The following MOV10L1 variants were observed in gnomAD, a reference collection of about 807,000 sequenced individuals.
MOV10L1 encodes Mov10 like RNA helicase 1.
Under a neutral mutation model 143.8 loss-of-function variants are expected in MOV10L1, and 110 were observed. That is an observed-to-expected ratio of 0.76 (90% confidence interval 0.66 to 0.90). The LOEUF (loss-of-function observed/expected upper bound fraction) is 0.90. Ranked by LOEUF, MOV10L1 falls within the 40% of genes least tolerant of loss-of-function variation. The probability of loss-of-function intolerance (pLI) is 0.00; values close to 1 mark genes in which losing one functional copy is unlikely to be tolerated. For missense variants in MOV10L1, 1,406 were observed against 1,526.8 expected (o/e 0.92, Z 1.32); for synonymous variants, 593 against 581.1 (o/e 1.02, Z -0.29).
At chr22:50,127,089 C>T (rs2062528888) in intron 12 of MOV10L1, among the ~76,000 whole-genome samples, 2 of 152,138 alleles carry the variant, frequency 1.3e-5, no homozygotes. Flanking sequence ...GACATGACCT[C>T]GCCAGCTCTC....
At chr22:50,140,682 G>A (rs1004673019) in intron 15 of MOV10L1, among the ~76,000 whole-genome samples, 1 of 152,040 alleles carries the variant, frequency 6.6e-6, no homozygotes, top group Non-Finnish European at 1.5e-5. Context: ...GGACAAGCCT[G>A]TTTTAGACTA....
At chr22:50,126,514 T>C (rs1030187693) in intron 12 of MOV10L1, among the ~76,000 whole-genome samples, 1 of 152,216 alleles carries the variant, frequency 6.6e-6, no homozygotes, top group African/African-American at 2.4e-5. Context: ...GAGGTTTGCG[T>C]TGAGTTGTAT....
chr22:50,143,195 G>A lies in MOV10L1; in HGVS notation c.2332G>A (p.Val778Met). 6.2e-7 allele frequency: 1 copy of A among 1,614,162 alleles called. No individual in the cohort carries two copies. The change falls in exon 17 of 27, where the codon GTG (valine) becomes ATG (methionine). Residue 778 changes from valine to methionine, a missense_variant. Val to Met is a conservative substitution (Grantham distance 21, BLOSUM62 1). Transcript: ENST00000262794. ...TGGACCTCCTGGTACTGGAAAGACAGTGACAATAATAGAGGCTGTTTTACA... is the reference window on the plus strand; with the variant it reads ...TGGACCTCCTGGTACTGGAAAGACAATGACAATAATAGAGGCTGTTTTACA... ...LFGPPGTGKT[V>M]TIIEAVLQVH...
chr22:50,135,290 G>A (rs1354501283), intron 15 of MOV10L1, among the ~76,000 whole-genome samples: 4 of 151,786 alleles, frequency 2.6e-5, no homozygotes, highest in Admixed American at 1.3e-4. Context: ...GGAATTACAG[G>A]CGTGAGCCAC....
rs775731763 is a variant in MOV10L1, at chr22:50,161,451, C to A, written c.*2C>A. 6 of 1,581,182 alleles carry A rather than the reference C, an allele frequency of 3.8e-6. No individual in the cohort carries two copies. The highest frequency in any genetic ancestry group is 4.3e-6 in the Non-Finnish European group (5 of 1,163,470). On this transcript the variant is annotated 3_prime_UTR_variant, in exon 27 of 27. Transcript: ENST00000262794. ...GAGAAGCATCAGGAGCCCAGCTGAT[C>A]TGCAGTGGCTGACAGCAGGGAGGCC...
chr22:50,129,638 A>G (rs138247), intron 13 of MOV10L1, among the ~76,000 whole-genome samples: 37,037 of 152,166 alleles, frequency 0.24, 5,282 homozygotes, highest in Non-Finnish European at 0.33. Flanking sequence ...AAGTGGTTGC[A>G]TCAGTGACTT....
intron 15 of MOV10L1, among the ~76,000 whole-genome samples, chr22:50,140,493 C>T (rs755887047): frequency 3.9e-5 from 6 of 152,240 alleles, no homozygotes; most frequent in Non-Finnish European, 8.8e-5. Flanking sequence ...CCCTAGGCCA[C>T]GTTGCAAGAA....
At chr22:50,112,199 G>A (rs1016723423) in intron 5 of MOV10L1, among the ~76,000 whole-genome samples, 1 of 152,222 alleles carries the variant, frequency 6.6e-6, no homozygotes, top group African/African-American at 2.4e-5. Context: ...TTGGGAGGGT[G>A]CCTAGGGCCC....
At chr22:50,092,890 T>A (rs1218925743) in intron 2 of MOV10L1, 1 of 152,238 alleles carries the variant, frequency 6.6e-6, no homozygotes, top group South Asian at 2.1e-4. Flanking sequence ...GTAACTTTTC[T>A]TTTTCTTTTT....
chr22:50,120,741 G>C (rs1000595423), intron 10 of MOV10L1, 125 bp downstream of exon 10: 11 of 694,370 alleles, frequency 1.6e-5, no homozygotes. Context: ...CAGGTAGCTG[G>C]GATAACGAGG....
intron 18 of MOV10L1, 87 bp from the exon 19 acceptor site, chr22:50,145,602 A>G: frequency 2.0e-6 from 3 of 1,535,942 alleles, no homozygotes; most frequent in East Asian, 2.3e-5. Flanking sequence ...AGACGTAACT[A>G]AGAAGTGGTA....
In MOV10L1 at chr22:50,145,807, T is replaced by G. The variant is rs1486898771; in HGVS notation, c.2624T>G (p.Val875Gly). 6.2e-7 allele frequency: 1 copy of G among 1,613,474 alleles called. No individual in the cohort carries two copies. The highest frequency in any genetic ancestry group is 1.7e-5 in the Admixed American group (1 of 60,006). Reference sequence around the variant, plus strand: ...TCAGGGCTGTTTTACCAAATAGGAGTGAGGTGAGCCCCGGGCATGGAGCGC... The same window carrying G: ...TCAGGGCTGTTTTACCAAATAGGAGGGAGGTGAGCCCCGGGCATGGAGCGC... ...SSSGLFYQIG[V>G]RVGHFTHVFV... is the part of the protein sequence containing the mutation. The change falls in exon 19 of 27, where the codon GTG becomes GGG. Residue 875 changes from valine to glycine, a missense_variant. Physicochemically the swap from Val to Gly is moderately radical, Grantham distance 109. Transcript: ENST00000262794.
chr22:50,144,331 G>A (rs1451557637), intron 18 of MOV10L1, 88 bp downstream of exon 18: 4 of 1,462,318 alleles, frequency 2.7e-6, no homozygotes, highest in Admixed American at 2.2e-5. Context: ...GGCAGGGGTA[G>A]GAGGGTGGGC....
chr22:50,124,107 T>C (rs772513761), intron 10 of MOV10L1, among the ~76,000 whole-genome samples: 8 of 152,204 alleles, frequency 5.3e-5, no homozygotes, highest in Non-Finnish European at 1.2e-4. Flanking sequence ...TTTTCTGTAT[T>C]GTTTTTCAGT....
intron 12 of MOV10L1, 107 bp downstream of exon 12, chr22:50,126,379 G>T: frequency 1.5e-6 from 1 of 678,738 alleles, no homozygotes; most frequent in Non-Finnish European, 2.5e-6. Context: ...CATATGCATT[G>T]GCTATTTTGG....
chr22:50,131,367 T>C (rs1210842905), intron 13 of MOV10L1, among the ~76,000 whole-genome samples: 1 of 152,244 alleles, frequency 6.6e-6, no homozygotes, highest in East Asian at 1.9e-4. Context: ...GATACGTGTC[T>C]GTGCAAATAT....
intron 15 of MOV10L1, among the ~76,000 whole-genome samples, chr22:50,139,957 G>A (rs9617040): frequency 0.23 from 34,590 of 152,080 alleles, 4,303 homozygotes; most frequent in Admixed American, 0.35. Flanking sequence ...GAAGCTGGAC[G>A]CGCACCTGCC....
At chr22:50,115,765 T>C (rs1055456850) in intron 8 of MOV10L1, among the ~76,000 whole-genome samples, 1 of 152,230 alleles carries the variant, frequency 6.6e-6, no homozygotes, top group Non-Finnish European at 1.5e-5. Flanking sequence ...CCTGTGCTTC[T>C]GCTGTTCTGA....
Position 50,158,386 on chromosome 22 carries a change from A to C in MOV10L1, c.3216+180A>C. On this transcript the variant is annotated intron_variant, in intron 23 of 26. Transcript: ENST00000262794. The surrounding 1 kb of genome is among the most constrained non-coding windows in gnomAD (Gnocchi z 5.0). ...GTCACCCAACTGCCATCCATGGGCC[A>C]GTTCCGGGCAGCTGCCAGCTTTTCT... is the stretch of plus-strand genomic sequence containing the variant. 1.5e-6 allele frequency: 1 copy of C among 665,650 alleles called. No homozygotes were observed. The highest frequency in any genetic ancestry group is 3.1e-5 in the East Asian group (1 of 32,680). The allele number at this position is 665,650 out of a possible 1,614,324, so 41.2% of individuals were successfully genotyped here.
Sources: gnomAD v4.1 joint callset for allele counts (sites outside exome capture counted in the v4.1 genomes callset) on GRCh38, gnomAD v4.1.1 for gene constraint, Gnocchi (gnomAD v3.1) non-coding constraint, MANE v1.5 for transcripts, NCBI Gene and HGNC (gene_info 2026-07-23, HGNC 2026-07-21) for gene names.